Variants in KCNQ1 observed in about 807,000 individuals in gnomAD.
KCNQ1 encodes the protein potassium voltage-gated channel subfamily Q member 1.
KCNQ1 carries 49 observed loss-of-function variants against 72.4 expected under a neutral mutation model. The observed-to-expected ratio is 0.68, with a 90% CI of 0.54 to 0.86. KCNQ1 has a LOEUF of 0.86. KCNQ1 is among the 40% of genes least tolerant of loss of function. The pLI is 0.00. For missense variants in KCNQ1, 790 were observed against 945.1 expected (o/e 0.84, Z 2.15); for synonymous variants, 450 against 412.6 (o/e 1.09, Z -1.10).
rs1846943978 is a variant in KCNQ1 at position 2,497,597 on chromosome 11, CA to C, written c.387-30330del. On this transcript the variant is annotated intron_variant, in intron 1 of 15. Transcript: ENST00000155840. The surrounding 1 kb of genome is among the most constrained non-coding windows in gnomAD (Gnocchi z 4.5). ...TTTTATCAGGTTCTTAGCTTCCTTG[CA>C]TTGGGTTAGAACATGCTTCTCTAGC... Among the ~76,000 whole-genome samples the C allele has an allele frequency of 6.6e-6, 1 of 152,180 alleles. No individual in the cohort carries two copies. Among genetic ancestry groups the C allele is most frequent in the African/African-American group, 2.4e-5 (1 of 41,448 alleles).
chr11:2,561,417 A>G (rs1848165399), intron 2 of KCNQ1, among the ~76,000 whole-genome samples: 1 of 152,140 alleles, frequency 6.6e-6, no homozygotes, highest in Non-Finnish European at 1.5e-5. Flanking sequence ...CCCCCCGAGG[A>G]CAAGGTCGCT....
chr11:2,781,053 G>A lies in KCNQ1; in HGVS notation c.1794+3016G>A, dbSNP rs577492610. ...GCAGATCCAGGGGCCTCCTCACAGC[G>A]AGTCTACTTCCTGCGGGCCTCCCTC... On this transcript the variant is annotated intron_variant, in intron 15 of 15. Coordinates refer to ENST00000155840, the MANE Select transcript of KCNQ1 (RefSeq NM_000218.3). This position sits in a 1 kb window ranked among gnomAD's most constrained non-coding sequence, Gnocchi z 6.6. Among the ~76,000 whole-genome samples, 21 of 152,174 alleles carry A rather than the reference G, an allele frequency of 1.4e-4. No individual in the cohort carries two copies. The highest frequency in any genetic ancestry group is 4.3e-4 in the African/African-American group (18 of 41,520).
chr11:2,785,628 T>G lies in KCNQ1; in HGVS notation c.1794+7591T>G, dbSNP rs151086605. On this transcript the variant is annotated intron_variant, in intron 15 of 15. Coordinates refer to ENST00000155840, the MANE Select transcript of KCNQ1 (RefSeq NM_000218.3). The surrounding 1 kb of genome is among the most constrained non-coding windows in gnomAD (Gnocchi z 4.4). ...TTTAATACATTTATATTTAATACAT[T>G]TATATTTAATATAATTTCTAATAGA... Among the ~76,000 whole-genome samples, 3 of 151,426 alleles carry G rather than the reference T, an allele frequency of 2.0e-5. No homozygotes were observed. Among genetic ancestry groups the G allele is most frequent in the Non-Finnish European group, 4.4e-5 (3 of 67,652 alleles).
rs2133628165 is a variant in KCNQ1, at chr11:2,492,191, GTAAT to G, written c.387-35734_387-35731del. The stretch of plus-strand genomic sequence containing the variant: ...GAAATACAAATAGTATTATAACACT[GTAAT>G]TATGGTGTGTAAACTACTCATATAT... On this transcript the variant is annotated intron_variant, in intron 1 of 15. Transcript: ENST00000155840. This position sits in a 1 kb window ranked among gnomAD's most constrained non-coding sequence, Gnocchi z 4.1. 6.6e-6 allele frequency among the ~76,000 whole-genome samples: 1 copy of G among 152,292 alleles called. No homozygotes were observed. Among genetic ancestry groups the G allele is most frequent in the African/African-American group, 2.4e-5 (1 of 41,552 alleles).
Position 2,613,494 on chromosome 11 carries a change from T to C in KCNQ1, c.1393+24640T>C. 1 of 398,590 alleles carries C rather than the reference T, an allele frequency of 2.5e-6. No individual in the cohort carries two copies. Among genetic ancestry groups the C allele is most frequent in the Non-Finnish European group, 4.4e-6 (1 of 226,058 alleles). The allele number at this position is 398,590 out of a possible 1,614,324, so 24.7% of individuals were successfully genotyped here. ...TTGTTGCTGGTCCTCAAGCCTACCG[T>C]GCCCCTGAGCTTGGGTGGGGAGATG... On this transcript the variant is annotated intron_variant, in intron 10 of 15. Transcript: ENST00000155840. This position sits in a 1 kb window ranked among gnomAD's most constrained non-coding sequence, Gnocchi z 4.8.
At chr11:2,584,161 G>C (rs1848548377) in intron 7 of KCNQ1, among the ~76,000 whole-genome samples, 1 of 152,200 alleles carries the variant, frequency 6.6e-6, no homozygotes, top group Non-Finnish European at 1.5e-5. Context: ...GTTGTATTTA[G>C]TATGTGTGCT....
rs1845741358 is a variant in KCNQ1 at position 2,725,417 on chromosome 11, C to T, written c.1515-43427C>T. On this transcript the variant is annotated intron_variant, in intron 11 of 15. Transcript: ENST00000155840. This position sits in a 1 kb window ranked among gnomAD's most constrained non-coding sequence, Gnocchi z 7.2. ...AAAACAGGAGAGGCAACTTGGCCTG[C>T]TTTTTCCTCAGAAGAGCCCACTTTT... Among the ~76,000 whole-genome samples the T allele has an allele frequency of 6.6e-6, 1 of 152,180 alleles. No individual in the cohort carries two copies. The highest frequency in any genetic ancestry group is 2.1e-4 in the South Asian group (1 of 4,830).
rs1850625615 is a variant in KCNQ1 at position 2,693,643 on chromosome 11, G to A, written c.1514+31562G>A. 1.5e-5 allele frequency: 6 copies of A among 398,640 alleles called. No homozygotes were observed. In the East Asian group the frequency reaches 2.1e-4, roughly 14 times the overall value. The allele number at this position is 398,640 out of a possible 1,614,324, so 24.7% of individuals were successfully genotyped here. On this transcript the variant is annotated intron_variant, in intron 11 of 15. Coordinates refer to ENST00000155840, the MANE Select transcript of KCNQ1 (RefSeq NM_000218.3). ...TCGCCCAGCCGTAGGAAAGGCTCTGGGAGAAAGGCTTTTAGTTCCGCAGAC... is the reference window on the plus strand; with the variant it reads ...TCGCCCAGCCGTAGGAAAGGCTCTGAGAGAAAGGCTTTTAGTTCCGCAGAC...
chr11:2,751,275 C>T (rs1427731894), intron 11 of KCNQ1, among the ~76,000 whole-genome samples: 1 of 152,228 alleles, frequency 6.6e-6, no homozygotes, highest in African/African-American at 2.4e-5. Flanking sequence ...GTTTAGGGTC[C>T]TCCCACACCC....
Position 2,661,820 on chromosome 11 carries a change from T to A in KCNQ1, c.1394-141T>A. 6.1e-6 allele frequency: 6 copies of A among 987,688 alleles called. No individual in the cohort carries two copies. Among genetic ancestry groups the A allele is most frequent in the South Asian group, 1.3e-5 (1 of 74,514 alleles). 61.2% of individuals were successfully genotyped at this position (987,688 alleles called of 1,614,324 possible). A position where few individuals can be genotyped will look rare whatever the true frequency, so the allele number is the denominator to read the frequency against. ...ACACCCACCCACCCCAACACCCAAC[T>A]ATAAAACTGATTGTCAGGGCTGGAG... On this transcript the variant is annotated intron_variant, in intron 10 of 15. Coordinates refer to ENST00000155840, the MANE Select transcript of KCNQ1 (RefSeq NM_000218.3). The surrounding 1 kb of genome is among the most constrained non-coding windows in gnomAD (Gnocchi z 5.9).
intron 11 of KCNQ1, chr11:2,666,795 TA>T (rs1189230483): frequency 7.5e-6 from 3 of 398,592 alleles, no homozygotes; most frequent in Non-Finnish European, 1.3e-5. Flanking sequence ...TCTCTCCCTG[TA>T]AACTTTGGTG....
chr11:2,741,112 G>C (rs1378516027), intron 11 of KCNQ1, among the ~76,000 whole-genome samples: 1 of 152,208 alleles, frequency 6.6e-6, no homozygotes, highest in African/African-American at 2.4e-5. Flanking sequence ...CACATGACCA[G>C]CTCAGGCAGT....
chr11:2,644,065 G>A (rs1478302612), intron 10 of KCNQ1: 5 of 398,374 alleles, frequency 1.3e-5, no homozygotes, highest in Non-Finnish European at 2.2e-5. Context: ...TTGCTATAAT[G>A]TGCTGTGGAA....
At position 2,566,402 on chromosome 11, in the gene KCNQ1, G is replaced by A. The variant is rs1848248280; in HGVS notation, c.478-4226G>A. 6.6e-6 allele frequency among the ~76,000 whole-genome samples: 1 copy of A among 152,118 alleles called. No homozygotes were observed. The highest frequency in any genetic ancestry group is 1.5e-5 in the Non-Finnish European group (1 of 68,032). ...CTTGTCCCGGGGCGGGGCTCTCTCTGCCATGGACGCCAGTCTTCCCTCCCC... is the reference window on the plus strand; with the variant it reads ...CTTGTCCCGGGGCGGGGCTCTCTCTACCATGGACGCCAGTCTTCCCTCCCC... On this transcript the variant is annotated intron_variant, in intron 2 of 15. Transcript: ENST00000155840. This position sits in a 1 kb window ranked among gnomAD's most constrained non-coding sequence, Gnocchi z 6.7.
In KCNQ1 at chr11:2,593,668, T is replaced by C. The variant is rs1261728866; in HGVS notation, c.1393+4814T>C. On this transcript the variant is annotated intron_variant, in intron 10 of 15. Coordinates refer to ENST00000155840, the MANE Select transcript of KCNQ1 (RefSeq NM_000218.3). This position sits in a 1 kb window ranked among gnomAD's most constrained non-coding sequence, Gnocchi z 6.9. ...CATCGTTCACACTCGTGTGTGTGCT[T>C]TCTGGAGGCATGCGTCATGGAACAG... 6.6e-6 allele frequency among the ~76,000 whole-genome samples: 1 copy of C among 152,174 alleles called. No individual in the cohort carries two copies. Among genetic ancestry groups the C allele is most frequent in the Non-Finnish European group, 1.5e-5 (1 of 68,030 alleles).
rs1258836278 is a variant in KCNQ1, at chr11:2,653,775, C to G, written c.1394-8186C>G. 2 of 398,540 alleles carry G rather than the reference C, an allele frequency of 5.0e-6. No individual in the cohort carries two copies. Among genetic ancestry groups the G allele is most frequent in the African/African-American group, 2.1e-5 (1 of 48,630 alleles). The allele number at this position is 398,540 out of a possible 1,614,324, so 24.7% of individuals were successfully genotyped here. On this transcript the variant is annotated intron_variant, in intron 10 of 15. Coordinates refer to ENST00000155840, the MANE Select transcript of KCNQ1 (RefSeq NM_000218.3). The surrounding 1 kb of genome is among the most constrained non-coding windows in gnomAD (Gnocchi z 5.3). The stretch of plus-strand genomic sequence containing the variant: ...TGGCCTCAGCTGGGGTACAAGCCAT[C>G]CTTGGACCTGCAGCTGTACCTCCGA...
At chr11:2,692,383 G>A (rs575214202) in intron 11 of KCNQ1, 16 of 398,796 alleles carry the variant, frequency 4.0e-5, no homozygotes, top group African/African-American at 3.1e-4. Flanking sequence ...CACATCCCCT[G>A]CCCCATTCCA....
chr11:2,692,253 G>A (rs1235114164), intron 11 of KCNQ1: 1 of 398,842 alleles, frequency 2.5e-6, no homozygotes, highest in Non-Finnish European at 4.4e-6. Flanking sequence ...CCATCACCAA[G>A]CCAGGCTTAC....
rs190963582 is a variant in KCNQ1 at position 2,488,917 on chromosome 11, T to C, written c.387-39011T>C. ...GGGTTTAGTTCTTTTGCTAGTTCCT[T>C]AAGTGGTAAAGTTAGGTTATTTACT... On this transcript the variant is annotated intron_variant, in intron 1 of 15. Transcript: ENST00000155840. The surrounding 1 kb of genome is among the most constrained non-coding windows in gnomAD (Gnocchi z 5.1). Among the ~76,000 whole-genome samples the C allele has an allele frequency of 6.6e-6, 1 of 152,328 alleles. No homozygotes were observed. Among genetic ancestry groups the C allele is most frequent in the Admixed American group, 6.5e-5 (1 of 15,302 alleles).
Sources: gnomAD v4.1 joint callset for allele counts (sites outside exome capture counted in the v4.1 genomes callset) on GRCh38, gnomAD v4.1.1 for gene constraint, Gnocchi (gnomAD v3.1) non-coding constraint, MANE v1.5 for transcripts, NCBI Gene and HGNC (gene_info 2026-07-23, HGNC 2026-07-21) for gene names.